Variants in CHCHD6 observed in about 807,000 individuals in gnomAD.
The protein encoded by CHCHD6 is MICOS complex subunit MIC25.
Under a neutral mutation model 32.3 loss-of-function variants are expected in CHCHD6, and 28 were observed. The ratio of observed to expected loss-of-function variants is 0.87; its 90% confidence interval spans 0.64 to 1.19. The LOEUF (loss-of-function observed/expected upper bound fraction) is 1.19. Ranked by LOEUF, CHCHD6 falls within the 50% of genes most tolerant of loss-of-function variation. The pLI, the probability that CHCHD6 is intolerant of heterozygous loss-of-function variation, is 0.00. For missense variants in CHCHD6, 333 were observed against 307.0 expected, an observed-to-expected ratio of 1.08 and a Z score of -0.63; for synonymous variants, 122 against 117.5, an observed-to-expected ratio of 1.04 and a Z score of -0.25.
intron 4 of CHCHD6, among the ~76,000 whole-genome samples, chr3:126,743,850 A>G (rs1384345814): frequency 6.6e-6 from 1 of 152,192 alleles, no homozygotes; most frequent in Admixed American, 6.5e-5. Flanking sequence ...CTTGTTTTGA[A>G]CAGAGGTCTT....
Position 126,939,735 on chromosome 3 carries a change from A to G in CHCHD6, c.567-17681A>G, listed in dbSNP as rs79104764. ...ATACAACAGAATTTACACATATTCC[A>G]CTCACTCCATCTGAGCAAATTGATT... On this transcript the variant is annotated intron_variant, in intron 6 of 7. Transcript: ENST00000290913. Among the ~76,000 whole-genome samples the G allele has an allele frequency of 9.9e-3, 1,513 of 152,284 alleles. 27 individuals are homozygous for G. Among genetic ancestry groups the G allele is most frequent in the African/African-American group, 0.034 (1,424 of 41,552 alleles).
At chr3:126,763,712 A>C (rs1362745614) in intron 4 of CHCHD6, among the ~76,000 whole-genome samples, 1 of 152,166 alleles carries the variant, frequency 6.6e-6, no homozygotes, top group East Asian at 1.9e-4. Context: ...TAACATCCAA[A>C]ATTTCTAACA....
At chr3:126,790,555 C>T (rs915779639) in intron 4 of CHCHD6, among the ~76,000 whole-genome samples, 10 of 152,240 alleles carry the variant, frequency 6.6e-5, no homozygotes, top group Admixed American at 2.0e-4. Flanking sequence ...CTTCTCTTCT[C>T]GCTTCATTTC....
intron 4 of CHCHD6, among the ~76,000 whole-genome samples, chr3:126,771,394 G>A (rs1010619951): frequency 6.6e-6 from 1 of 151,458 alleles, no homozygotes; most frequent in Non-Finnish European, 1.5e-5. Flanking sequence ...TAGTATAGAC[G>A]GGGTTTCACC....
chr3:126,922,798 C>T (rs2078271379), intron 6 of CHCHD6, among the ~76,000 whole-genome samples: 1 of 152,166 alleles, frequency 6.6e-6, no homozygotes, highest in Non-Finnish European at 1.5e-5. Flanking sequence ...CCAGTGCTTA[C>T]AGAGTTCTGT....
At chr3:126,769,231 C>T (rs1419772413) in intron 4 of CHCHD6, among the ~76,000 whole-genome samples, 1 of 152,142 alleles carries the variant, frequency 6.6e-6, no homozygotes, top group Non-Finnish European at 1.5e-5. Flanking sequence ...CAGTATCACT[C>T]TTCTGCATAT....
At chr3:126,777,089 C>T (rs927645414) in intron 4 of CHCHD6, among the ~76,000 whole-genome samples, 6 of 152,314 alleles carry the variant, frequency 3.9e-5, no homozygotes, top group Admixed American at 6.5e-5. Context: ...CAGCCATTCT[C>T]GTCCCATGCT....
intron 6 of CHCHD6, among the ~76,000 whole-genome samples, chr3:126,929,180 G>A (rs1289390522): frequency 1.3e-5 from 2 of 152,192 alleles, no homozygotes; most frequent in Admixed American, 1.3e-4. Context: ...GACTCATCCA[G>A]TGAAGCAGAC....
chr3:126,900,397 G>T (rs914835151), intron 5 of CHCHD6, among the ~76,000 whole-genome samples: 2 of 152,160 alleles, frequency 1.3e-5, no homozygotes, highest in African/African-American at 4.8e-5. Flanking sequence ...TTGCTGTAAA[G>T]AAATACCTGA....
intron 5 of CHCHD6, among the ~76,000 whole-genome samples, chr3:126,866,293 A>G (rs1194259971): frequency 2.0e-5 from 3 of 152,200 alleles, no homozygotes; most frequent in Non-Finnish European, 4.4e-5. Context: ...GCAGTAGTCA[A>G]GCACTTCACC....
intron 4 of CHCHD6, among the ~76,000 whole-genome samples, chr3:126,808,823 G>A (rs1261326896): frequency 6.6e-6 from 1 of 152,144 alleles, no homozygotes; most frequent in Non-Finnish European, 1.5e-5. Context: ...TGTCCTGGTG[G>A]AGAAGGACTT....
intron 4 of CHCHD6, among the ~76,000 whole-genome samples, chr3:126,738,198 A>T (rs1265956095): frequency 1.3e-5 from 2 of 152,130 alleles, no homozygotes; most frequent in Non-Finnish European, 2.9e-5. Flanking sequence ...TGAACTGGAT[A>T]CAGTTGGCCC....
intron 4 of CHCHD6, among the ~76,000 whole-genome samples, chr3:126,835,772 G>A (rs984685981): frequency 2.6e-5 from 4 of 152,140 alleles, no homozygotes; most frequent in African/African-American, 7.2e-5. Context: ...TGCTTTACCC[G>A]ACTCTTGCTT....
At chr3:126,905,483 A>G (rs1559914282) in intron 5 of CHCHD6, among the ~76,000 whole-genome samples, 1 of 152,184 alleles carries the variant, frequency 6.6e-6, no homozygotes, top group East Asian at 1.9e-4. Context: ...TGCAGCGCCT[A>G]CAGGGACAGT....
Position 126,714,374 on chromosome 3 carries a change from G to A in CHCHD6, c.87+9975G>A, listed in dbSNP as rs56012941. On this transcript the variant is annotated intron_variant, in intron 1 of 7. Transcript: ENST00000290913. ...GCCATGCTTGGTGTAGGAGGTCTCC[G>A]AGGGCTCTTCTTGTTCTGCCTTTCT... Among the ~76,000 whole-genome samples the A allele has an allele frequency of 3.3e-5, 5 of 152,148 alleles. No individual in the cohort carries two copies. The East Asian group carries it at 9.6e-4, about 29-fold the overall frequency.
At chr3:126,858,246 A>G (rs1941730320) in intron 5 of CHCHD6, among the ~76,000 whole-genome samples, 1 of 142,858 alleles carries the variant, frequency 7.0e-6, no homozygotes, top group African/African-American at 2.6e-5. Context: ...CAACTGGGAT[A>G]ACAGTTACCC....
intron 4 of CHCHD6, among the ~76,000 whole-genome samples, chr3:126,768,863 C>G (rs756914019): frequency 5.9e-5 from 9 of 152,050 alleles, no homozygotes; most frequent in Non-Finnish European, 1.3e-4. Context: ...CATGTATGTC[C>G]TTTGCCCACT....
In CHCHD6 at chr3:126,771,144, T is replaced by C. The variant is rs184959215; in HGVS notation, c.411+37922T>C. On this transcript the variant is annotated intron_variant, in intron 4 of 7. Coordinates refer to ENST00000290913, the MANE Select transcript of CHCHD6 (RefSeq NM_032343.3). ...TTGTTCGTAGTAGTCTCTGATGATT[T>C]TCTCTATTTCTGTGGGGTCAGTGGT... Among the ~76,000 whole-genome samples, 88 of 152,208 alleles carry C rather than the reference T, an allele frequency of 5.8e-4. 2 individuals carry two copies. Among genetic ancestry groups the C allele is most frequent in the Non-Finnish European group, 7.4e-5 (5 of 68,018 alleles).
chr3:126,755,838 A>ATGTGTGTGTGTG (rs58430251), intron 4 of CHCHD6, among the ~76,000 whole-genome samples: 36 of 145,966 alleles, frequency 2.5e-4, no homozygotes, highest in African/African-American at 9.0e-4. Flanking sequence ...CTGTGTGTGC[A>ATGTGTGTGTGTG]TGTGTGTGTG....
Sources: allele counts gnomAD v4.1 joint callset (sites outside exome capture counted in the v4.1 genomes callset), GRCh38; gene constraint gnomAD v4.1.1; transcripts MANE v1.5; gene names NCBI Gene and HGNC (gene_info 2026-07-23, HGNC 2026-07-21).